B3GAT2: variants seen among roughly 807,000 people sequenced by gnomAD.
B3GAT2 encodes galactosylgalactosylxylosylprotein 3-beta-glucuronosyltransferase 2.
B3GAT2 carries 26 observed loss-of-function variants against 27.8 expected under a neutral mutation model. The observed-to-expected ratio is 0.93, with a 90% CI of 0.68 to 1.30. The LOEUF (loss-of-function observed/expected upper bound fraction) is 1.30, where lower values mean the gene tolerates loss of function less well. Ranked by LOEUF, B3GAT2 falls within the 50% of genes most tolerant of loss-of-function variation. The pLI, the probability that B3GAT2 is intolerant of heterozygous loss-of-function variation, is 0.00. For missense variants in B3GAT2, 458 were observed against 459.0 expected, an observed-to-expected ratio of 1.00 and a Z score of 0.02; for synonymous variants, 218 against 195.1, an observed-to-expected ratio of 1.12 and a Z score of -0.98.
intron 2 of B3GAT2, among the ~76,000 whole-genome samples, chr6:70,889,746 C>T (rs1275454504): frequency 6.6e-6 from 1 of 151,972 alleles, no homozygotes; most frequent in East Asian, 1.9e-4. Flanking sequence ...CAAGCCTTTC[C>T]CAGATCAAAT....
intron 1 of B3GAT2, among the ~76,000 whole-genome samples, chr6:70,935,959 A>T (rs1161990046): frequency 2.0e-5 from 3 of 151,474 alleles, no homozygotes; most frequent in Non-Finnish European, 4.4e-5. Context: ...CAGACTGGCA[A>T]ATTGGATAAA....
chr6:70,872,145 C>T (rs181671545), intron 2 of B3GAT2, among the ~76,000 whole-genome samples: 148 of 151,870 alleles, frequency 9.7e-4, no homozygotes, highest in African/African-American at 3.4e-3. Flanking sequence ...TTCCATTGTG[C>T]CTTTGAGAAG....
chr6:70,933,438 T>C lies in B3GAT2; in HGVS notation c.591+22401A>G, dbSNP rs949025039. Among the ~76,000 whole-genome samples the C allele has an allele frequency of 4.6e-5, 7 of 152,120 alleles. 1 individual carries two copies. In the East Asian group the frequency reaches 7.7e-4, roughly 17 times the overall value. On this transcript the variant is annotated intron_variant, in intron 1 of 3. Coordinates refer to ENST00000230053, the MANE Select transcript of B3GAT2 (RefSeq NM_080742.3). ...AATGAAAAATGAAAATAATTAACAG[T>C]TAGTGCATGAGCCCCAAATACTCTG...
At chr6:70,950,891 T>C (rs909218124) in intron 1 of B3GAT2, among the ~76,000 whole-genome samples, 5 of 152,186 alleles carry the variant, frequency 3.3e-5, no homozygotes, top group Admixed American at 3.3e-4. Flanking sequence ...ATCCATGATA[T>C]AGGGTATTAA....
intron 1 of B3GAT2, among the ~76,000 whole-genome samples, chr6:70,933,336 A>G (rs1773090095): frequency 6.6e-6 from 1 of 152,198 alleles, no homozygotes; most frequent in East Asian, 1.9e-4. Context: ...ATCAGTATAC[A>G]AAGCAGGAAG....
intron 1 of B3GAT2, among the ~76,000 whole-genome samples, chr6:70,952,739 T>C (rs1765596563): frequency 6.6e-6 from 1 of 152,214 alleles, no homozygotes; most frequent in Non-Finnish European, 1.5e-5. Flanking sequence ...TTTCTGTAGC[T>C]AAGATTCACA....
At chr6:70,891,993 C>G (rs1238027690) in intron 2 of B3GAT2, among the ~76,000 whole-genome samples, 1 of 152,056 alleles carries the variant, frequency 6.6e-6, no homozygotes, top group Non-Finnish European at 1.5e-5. Context: ...CCAAAAATAT[C>G]AATAATTTAC....
intron 1 of B3GAT2, among the ~76,000 whole-genome samples, chr6:70,943,427 C>A (rs1056050298): frequency 6.6e-6 from 1 of 152,146 alleles, no homozygotes; most frequent in Non-Finnish European, 1.5e-5. Flanking sequence ...TTGGCTCAGG[C>A]CCCCAGCTCC....
chr6:70,930,207 A>G (rs1773037234), intron 1 of B3GAT2, among the ~76,000 whole-genome samples: 2 of 152,246 alleles, frequency 1.3e-5, no homozygotes, highest in South Asian at 4.1e-4. Context: ...TGGATTAAAG[A>G]CTTAAATGTA....
intron 2 of B3GAT2, among the ~76,000 whole-genome samples, chr6:70,873,174 C>G (rs2474915): frequency 0.4 from 60,831 of 151,898 alleles, 12,736 homozygotes; most frequent in Non-Finnish European, 0.45. Flanking sequence ...ATGTGGATTA[C>G]AGTTCCCGTC....
intron 1 of B3GAT2, among the ~76,000 whole-genome samples, chr6:70,914,171 T>C (rs1187806131): frequency 1.3e-5 from 2 of 152,198 alleles, no homozygotes; most frequent in Non-Finnish European, 2.9e-5. Flanking sequence ...CAAGGGTACA[T>C]GTGCACAACA....
At chr6:70,903,125 T>C (rs1331873702) in intron 1 of B3GAT2, among the ~76,000 whole-genome samples, 1 of 151,878 alleles carries the variant, frequency 6.6e-6, no homozygotes, top group Non-Finnish European at 1.5e-5. Context: ...TATAAATATA[T>C]ACCATTTTTA....
chr6:70,930,178 T>C (rs1263273764), intron 1 of B3GAT2, among the ~76,000 whole-genome samples: 1 of 152,174 alleles, frequency 6.6e-6, no homozygotes, highest in Non-Finnish European at 1.5e-5. Flanking sequence ...TTACACCTTA[T>C]ACAAAAATTA....
chr6:70,923,818 G>T, intron 1 of B3GAT2, among the ~76,000 whole-genome samples: 1 of 152,244 alleles, frequency 6.6e-6, no homozygotes, highest in East Asian at 1.9e-4. Context: ...TAAAAGTACT[G>T]AATGACATTG....
chr6:70,944,786 C>T (rs1409506347), intron 1 of B3GAT2, among the ~76,000 whole-genome samples: 2 of 152,172 alleles, frequency 1.3e-5, no homozygotes, highest in Non-Finnish European at 2.9e-5. Flanking sequence ...GGTCCCTGAC[C>T]CCTGACCCCC....
At chr6:70,939,490 A>T (rs1409437477) in intron 1 of B3GAT2, among the ~76,000 whole-genome samples, 1 of 151,104 alleles carries the variant, frequency 6.6e-6, no homozygotes, top group Non-Finnish European at 1.5e-5. Context: ...AAGACTTGGA[A>T]CCAACCCAAA....
intron 1 of B3GAT2, among the ~76,000 whole-genome samples, chr6:70,946,618 A>G (rs1388359490): frequency 1.3e-5 from 2 of 152,308 alleles, no homozygotes; most frequent in Non-Finnish European, 2.9e-5. Flanking sequence ...TTGGACTCCC[A>G]AACAATAATA....
chr6:70,859,534 C>CTAACTCTGAGTGTAAG lies in B3GAT2; in HGVS notation c.*2113_*2128dup. The CTAACTCTGAGTGTAAG allele has an allele frequency of 1.6e-6, 1 of 644,380 alleles. No homozygotes were observed. The highest frequency in any genetic ancestry group is 2.4e-5 in the South Asian group (1 of 41,764). The allele number at this position is 644,380 out of a possible 1,614,324, so 39.9% of individuals were successfully genotyped here. A position where few individuals can be genotyped will look rare whatever the true frequency, so the allele number is the denominator to read the frequency against. ...AAATGTATTAAATTAAGAACACAGT[C>CTAACTCTGAGTGTAAG]TAACTCTGAGTGTAAGTTTTAAACC... On this transcript the variant is annotated 3_prime_UTR_variant, in exon 4 of 4. Transcript: ENST00000230053.
At chr6:70,926,900 G>GA (rs574756397) in intron 1 of B3GAT2, among the ~76,000 whole-genome samples, 188 of 152,188 alleles carry the variant, frequency 1.2e-3, no homozygotes, top group African/African-American at 4.4e-3. Flanking sequence ...TGAAATGAAG[G>GA]AAAAAATGGT....
Sources: allele counts gnomAD v4.1 joint callset (sites outside exome capture counted in the v4.1 genomes callset), GRCh38; gene constraint gnomAD v4.1.1; transcripts MANE v1.5; gene names NCBI Gene and HGNC (gene_info 2026-07-23, HGNC 2026-07-21).